The following SENP2 variants were observed in gnomAD, a reference collection of about 807,000 sequenced individuals.
SENP2 encodes SUMO specific peptidase 2.
A neutral mutation model predicts 86.3 loss-of-function variants in SENP2; 16 were observed. The ratio of observed to expected loss-of-function variants is 0.19; its 90% CI spans 0.13 to 0.28. SENP2 has a LOEUF of 0.28. SENP2 is among the 10% of genes least tolerant of loss of function. The pLI is 1.00. For missense variants in SENP2, 552 were observed against 703.0 expected, an observed-to-expected ratio of 0.79 and a Z score of 2.43; for synonymous variants, 222 against 238.7, an observed-to-expected ratio of 0.93 and a Z score of 0.64.
Position 185,623,980 on chromosome 3 carries a change from CTTT to C in SENP2, c.1527-17_1527-15del, listed in dbSNP as rs1712019000. The C allele has an allele frequency of 6.7e-7, 1 of 1,488,760 alleles. No homozygotes were observed. The highest frequency in any genetic ancestry group is 2.3e-5 in the East Asian group (1 of 43,608). 92.2% of individuals were successfully genotyped at this position (1,488,760 alleles called of 1,614,324 possible). A position where few individuals can be genotyped will look rare whatever the true frequency, so the allele number is the denominator to read the frequency against. ...TTAGGGATTTATTGATGTATTCCTT[CTTT>C]GTTTTGCTTTTTAGTCAGTATTTAC... On this transcript the variant is annotated splice_polypyrimidine_tract_variant and intron_variant, in intron 14 of 16. Transcript: ENST00000296257.
chr3:185,598,577 T>A, intron 3 of SENP2, 32 bp downstream of exon 3: 1 of 1,595,694 alleles, frequency 6.3e-7, no homozygotes, highest in Non-Finnish European at 8.6e-7. Flanking sequence ...TTAGGAATAC[T>A]GATCTTTATA....
chr3:185,620,641 T>G (rs1270832889), intron 13 of SENP2, among the ~76,000 whole-genome samples: 1 of 151,520 alleles, frequency 6.6e-6, no homozygotes, highest in African/African-American at 2.4e-5. Context: ...AAATGGGGTT[T>G]TACCATGTTG....
At position 185,619,005 on chromosome 3, in the gene SENP2, G is replaced by A. The variant is rs561425740; in HGVS notation, c.1243-294G>A. ...ATTCACTTACTGTTAATATTTCTGC[G>A]TATTTTTGGTGTGATACAGTTATGT... is the stretch of plus-strand genomic sequence containing the variant. On this transcript the variant is annotated intron_variant, in intron 12 of 16. Transcript: ENST00000296257. 5.1e-4 allele frequency among the ~76,000 whole-genome samples: 78 copies of A among 152,282 alleles called. No individual in the cohort carries two copies. The South Asian group carries it at 8.1e-3, about 16-fold the overall frequency.
chr3:185,625,358 G>A (rs931564813), intron 15 of SENP2, among the ~76,000 whole-genome samples: 3 of 152,098 alleles, frequency 2.0e-5, no homozygotes, highest in Non-Finnish European at 2.9e-5. Context: ...TGATCCGCCC[G>A]CCTCTGCCTC....
intron 2 of SENP2, among the ~76,000 whole-genome samples, chr3:185,596,960 TCTC>T (rs1722195109): frequency 6.6e-6 from 1 of 152,154 alleles, no homozygotes; most frequent in African/African-American, 2.4e-5. Flanking sequence ...TTCAAGCAAT[TCTC>T]CTGCCTCAGC....
At chr3:185,590,463 G>A (rs1015177409) in intron 2 of SENP2, among the ~76,000 whole-genome samples, 4 of 151,784 alleles carry the variant, frequency 2.6e-5, no homozygotes, top group Admixed American at 1.3e-4. Context: ...CAGGAGAATC[G>A]CTTGAACCTG....
intron 2 of SENP2, among the ~76,000 whole-genome samples, chr3:185,594,486 T>G (rs1722110114): frequency 6.6e-6 from 1 of 152,152 alleles, no homozygotes; most frequent in African/African-American, 2.4e-5. Flanking sequence ...AATAAAACTT[T>G]AAGTTAGGTA....
chr3:185,621,901 C>G lies in SENP2; in HGVS notation c.1522C>G (p.Leu508Val), dbSNP rs1418559323. Reference sequence around the variant, plus strand: ...AAAGGGCCACAGGATCTGTGAGATTCTCCTGTAAGTAAAGGTTGAAAACCT... The same window carrying G: ...AAAGGGCCACAGGATCTGTGAGATTGTCCTGTAAGTAAAGGTTGAAAACCT... ...GQKGHRICEI[L>V]LQYLQDESKT... The change falls in exon 14 of 17, where the codon CTC (leucine) becomes GTC (valine). Residue 508 changes from leucine to valine, a missense_variant. Physicochemically the swap from Leu to Val is conservative, Grantham distance 32. Around this residue, in one of 2 missense-constraint regions of SENP2, gnomAD observed 169 missense variants for 275.7 expected, o/e 0.61. Coordinates refer to ENST00000296257, the MANE Select transcript of SENP2 (RefSeq NM_021627.3). 2 of 1,607,556 alleles carry G rather than the reference C, an allele frequency of 1.2e-6. No individual in the cohort carries two copies. The highest frequency in any genetic ancestry group is 2.7e-5 in the African/African-American group (2 of 74,726).
chr3:185,625,005 T>C (rs1202674014), intron 15 of SENP2, among the ~76,000 whole-genome samples: 2 of 152,200 alleles, frequency 1.3e-5, no homozygotes, highest in Non-Finnish European at 2.9e-5. Context: ...CAAACTGCCT[T>C]TCTTTGTATA....
intron 2 of SENP2, 35 bp downstream of exon 2, chr3:185,590,204 T>A: frequency 1.7e-6 from 2 of 1,191,840 alleles, no homozygotes; most frequent in Non-Finnish European, 2.4e-6. Context: ...TTTTAGTTTT[T>A]AAATAGGAAA....
intron 11 of SENP2, 128 bp from the exon 12 acceptor site, chr3:185,617,346 GGTCTTT>G (rs1711659235): frequency 1.8e-6 from 1 of 558,720 alleles, no homozygotes; most frequent in African/African-American, 1.9e-5. Flanking sequence ...TAGTTTAGTA[GGTCTTT>G]GATAGTATAT....
rs1292526349 is a variant in SENP2, at chr3:185,630,329, G to C, written c.*485G>C. 1.3e-5 allele frequency: 2 copies of C among 153,232 alleles called. No individual in the cohort carries two copies. Among genetic ancestry groups the C allele is most frequent in the Admixed American group, 1.3e-4 (2 of 15,436 alleles). 9.5% of individuals were successfully genotyped at this position (153,232 alleles called of 1,614,324 possible). On this transcript the variant is annotated 3_prime_UTR_variant, in exon 17 of 17. Transcript: ENST00000296257. ...ACTCAAGCTGCCACTCCCTGCTGAA[G>C]AGCAGGAGGGAACTCTCACTGGGGG... is the stretch of plus-strand genomic sequence containing the variant.
At chr3:185,627,329 G>A (rs929236388) in intron 16 of SENP2, among the ~76,000 whole-genome samples, 10 of 152,116 alleles carry the variant, frequency 6.6e-5, no homozygotes, top group African/African-American at 2.2e-4. Context: ...GGGAAAAATC[G>A]GCCTGTGAGA....
intron 7 of SENP2, 30 bp downstream of exon 7, chr3:185,609,380 C>A: frequency 2.0e-6 from 3 of 1,469,812 alleles, no homozygotes; most frequent in Non-Finnish European, 2.9e-6. Flanking sequence ...TAATGCTTTG[C>A]TAGGCATCTT....
chr3:185,591,780 G>A (rs766807464), intron 2 of SENP2, among the ~76,000 whole-genome samples: 77 of 151,874 alleles, frequency 5.1e-4, no homozygotes, highest in Middle Eastern at 3.4e-3. Context: ...ACCCAGGCTG[G>A]GATGCAGTGG....
chr3:185,587,752 T>TTTTTTTTTTTGG (rs1721840463), intron 1 of SENP2, among the ~76,000 whole-genome samples: 1 of 141,230 alleles, frequency 7.1e-6, no homozygotes, highest in Non-Finnish European at 1.5e-5. Context: ...TTTTTTTTTT[T>TTTTTTTTTTTGG]GAGACAGAGT....
chr3:185,594,642 C>T (rs1722117722), intron 2 of SENP2, among the ~76,000 whole-genome samples: 1 of 138,812 alleles, frequency 7.2e-6, no homozygotes, highest in Non-Finnish European at 1.5e-5. Context: ...TTTTTTGGGA[C>T]AGAGTCTCGC....
intron 9 of SENP2, 136 bp downstream of exon 9, chr3:185,612,794 A>C: frequency 1.7e-6 from 1 of 602,590 alleles, no homozygotes; most frequent in Non-Finnish European, 2.9e-6. Flanking sequence ...TATAGGGTAG[A>C]TAGGTAGCTA....
At chr3:185,620,076 T>A (rs1318417107) in intron 13 of SENP2, among the ~76,000 whole-genome samples, 1 of 151,542 alleles carries the variant, frequency 6.6e-6, no homozygotes, top group Non-Finnish European at 1.5e-5. Context: ...AAATTTTTAT[T>A]TTTAGAGACA....
Sources: allele counts gnomAD v4.1 joint callset (sites outside exome capture counted in the v4.1 genomes callset), GRCh38; gene constraint gnomAD v4.1.1; regional missense constraint gnomAD v4.1.1; transcripts MANE v1.5; gene names NCBI Gene and HGNC (gene_info 2026-07-23, HGNC 2026-07-21).